SCAPER: variants seen among roughly 807,000 people sequenced by gnomAD.
SCAPER encodes S-phase cyclin A associated protein in the ER.
Under a neutral mutation model 182.2 loss-of-function variants are expected in SCAPER, and 98 were observed. The observed-to-expected ratio is 0.54, with a 90% CI of 0.46 to 0.64. The LOEUF (loss-of-function observed/expected upper bound fraction) is 0.64, where lower values mean the gene tolerates loss of function less well. Among genes scored for constraint, SCAPER ranks in the 30% least tolerant of loss-of-function variants. SCAPER has a pLI of 0.00. For synonymous variants in SCAPER, 605 were observed against 564.6 expected, an observed-to-expected ratio of 1.07 and a Z score of -1.01; for missense variants, 1,432 against 1,690.0, an observed-to-expected ratio of 0.85 and a Z score of 2.68.
intron 22 of SCAPER, among the ~76,000 whole-genome samples, chr15:76,584,529 A>G (rs1486662467): frequency 6.6e-6 from 1 of 152,210 alleles, no homozygotes; most frequent in Non-Finnish European, 1.5e-5. Flanking sequence ...ACCCATAAAC[A>G]TATACACCTA....
At chr15:76,862,308 A>C in intron 3 of SCAPER, 108 bp downstream of exon 3, 1 of 582,426 alleles carries the variant, frequency 1.7e-6, no homozygotes. Flanking sequence ...TTAACATACT[A>C]ATCAGCCCTA....
intron 5 of SCAPER, among the ~76,000 whole-genome samples, chr15:76,816,140 T>C (rs1294981004): frequency 6.6e-6 from 1 of 152,192 alleles, no homozygotes; most frequent in Non-Finnish European, 1.5e-5. Flanking sequence ...GCTGAGACTT[T>C]ATAAACTACA....
chr15:76,811,739 G>C (rs2066637307), intron 5 of SCAPER, among the ~76,000 whole-genome samples: 1 of 151,718 alleles, frequency 6.6e-6, no homozygotes, highest in Non-Finnish European at 1.5e-5. Flanking sequence ...GGTGAGCTGA[G>C]ATCACGCCAT....
At chr15:76,786,093 C>A (rs2151421988) in intron 8 of SCAPER, among the ~76,000 whole-genome samples, 1 of 151,968 alleles carries the variant, frequency 6.6e-6, no homozygotes, top group African/African-American at 2.4e-5. Flanking sequence ...CTTTGGGAGA[C>A]CTAGGTGGGC....
intron 24 of SCAPER, among the ~76,000 whole-genome samples, chr15:76,501,233 G>C (rs1041571695): frequency 1.3e-5 from 2 of 151,354 alleles, no homozygotes; most frequent in Non-Finnish European, 2.9e-5. Context: ...AATAATTAAA[G>C]CAGTTTTATG....
At chr15:76,380,212 A>G (rs1482235600) in intron 28 of SCAPER, 1 of 152,102 alleles carries the variant, frequency 6.6e-6, no homozygotes, top group Non-Finnish European at 1.5e-5. Context: ...AACTACTGAC[A>G]TTTTTTGGAG....
At chr15:76,655,122 G>C (rs1466597529) in intron 21 of SCAPER, among the ~76,000 whole-genome samples, 1 of 152,190 alleles carries the variant, frequency 6.6e-6, no homozygotes, top group African/African-American at 2.4e-5. Context: ...AGGAGAAAGT[G>C]TGAACTGAAT....
At chr15:76,493,546 TA>T (rs2052538270) in intron 24 of SCAPER, among the ~76,000 whole-genome samples, 1 of 152,192 alleles carries the variant, frequency 6.6e-6, no homozygotes, top group South Asian at 2.1e-4. Context: ...ATAATATATT[TA>T]AAAAAGTAGG....
chr15:76,559,051 C>G (rs1397848888), intron 23 of SCAPER, among the ~76,000 whole-genome samples: 2 of 149,512 alleles, frequency 1.3e-5, no homozygotes, highest in African/African-American at 4.9e-5. Context: ...TTTTTTTTTT[C>G]GGAGATGGAG....
intron 5 of SCAPER, among the ~76,000 whole-genome samples, chr15:76,826,737 AT>A (rs917227164): frequency 8.5e-5 from 13 of 152,204 alleles, no homozygotes; most frequent in African/African-American, 3.1e-4. Flanking sequence ...GATGTAAGGC[AT>A]TTTTGTTATA....
At chr15:76,905,083 G>C (rs1263862909) in intron 1 of SCAPER, 1 of 152,804 alleles carries the variant, frequency 6.5e-6, no homozygotes, top group African/African-American at 2.4e-5. Context: ...AGGCCTCCGA[G>C]GCCGACCTCC....
intron 22 of SCAPER, among the ~76,000 whole-genome samples, chr15:76,620,069 C>CT (rs1344652371): frequency 2.0e-5 from 3 of 152,062 alleles, no homozygotes; most frequent in African/African-American, 7.2e-5. Flanking sequence ...GAGCGAGACT[C>CT]TGTCTTCAAA....
chr15:76,389,687 G>A (rs1407435013), intron 27 of SCAPER, among the ~76,000 whole-genome samples: 2 of 150,306 alleles, frequency 1.3e-5, no homozygotes, highest in South Asian at 2.1e-4. Flanking sequence ...GCGTGGTGGC[G>A]GGCGCCTGTA....
chr15:76,892,162 CA>C (rs1414390816), intron 1 of SCAPER, among the ~76,000 whole-genome samples: 1 of 152,168 alleles, frequency 6.6e-6, no homozygotes, highest in African/African-American at 2.4e-5. Context: ...ACACTTTATA[CA>C]AAAATTAATT....
intron 10 of SCAPER, among the ~76,000 whole-genome samples, chr15:76,768,488 A>C (rs1311824359): frequency 6.6e-6 from 1 of 152,196 alleles, no homozygotes; most frequent in Non-Finnish European, 1.5e-5. Flanking sequence ...TAAAATAGGC[A>C]AAATTATATA....
At chr15:76,844,287 A>T (rs2151792439) in intron 4 of SCAPER, among the ~76,000 whole-genome samples, 1 of 146,538 alleles carries the variant, frequency 6.8e-6, no homozygotes, top group African/African-American at 2.4e-5. Context: ...AAAAAAAAAA[A>T]AGGCAGGCCA....
At chr15:76,445,996 T>C (rs1046695128) in intron 25 of SCAPER, among the ~76,000 whole-genome samples, 2 of 152,130 alleles carry the variant, frequency 1.3e-5, no homozygotes, top group South Asian at 2.1e-4. Context: ...CTTGTAGAAA[T>C]AGTGGTAGAA....
chr15:76,656,538 C>T (rs1236977279), intron 21 of SCAPER, among the ~76,000 whole-genome samples: 1 of 152,106 alleles, frequency 6.6e-6, no homozygotes, highest in Non-Finnish European at 1.5e-5. Context: ...CTTGACACTT[C>T]ATTAAATGGA....
intron 8 of SCAPER, among the ~76,000 whole-genome samples, chr15:76,779,533 A>G (rs935260520): frequency 6.6e-6 from 1 of 152,192 alleles, no homozygotes; most frequent in Non-Finnish European, 1.5e-5. Context: ...CGTAACTGTT[A>G]AAGAAACTCA....
Sources: gnomAD v4.1 joint callset for allele counts (sites outside exome capture counted in the v4.1 genomes callset) on GRCh38, gnomAD v4.1.1 for gene constraint, MANE v1.5 for transcripts, NCBI Gene and HGNC (gene_info 2026-07-23, HGNC 2026-07-21) for gene names.